The following ACADVL variants were observed in gnomAD, a reference collection of about 807,000 sequenced individuals.
The protein encoded by ACADVL is acyl-CoA dehydrogenase very long chain, also known as very long-chain acyl-CoA dehydrogenase, mitochondrial.
In ACADVL, 73 loss-of-function variants were observed where a neutral mutation model predicts 80.4. That is an observed-to-expected ratio of 0.91 (90% confidence interval 0.75 to 1.10). ACADVL has a LOEUF of 1.10. Ranked by LOEUF, ACADVL falls within the 50% of genes least tolerant of loss-of-function variation. ACADVL has a pLI of 0.00. For missense variants in ACADVL, 878 were observed against 858.9 expected (o/e 1.02, Z -0.28); for synonymous variants, 392 against 326.5 (o/e 1.20, Z -2.16).
At chr17:7,217,172 G>C, upstream of ACADVL, 11 of 1,284,836 alleles carry the variant, frequency 8.6e-6, no homozygotes, top group Non-Finnish European at 1.1e-5. Context: ...CCGCGGCGGC[G>C]GGTAAGGGGC....
Position 7,222,022 on chromosome 17 carries a change from T to C in ACADVL, c.693T>C (p.Ser231=), listed in dbSNP as rs77763289. The part of the protein sequence containing the change: ...SGSDAASIRT[S]AVPSPCGKYY... ...CAGATGCAGCCTCCATCCGAACCTC[T>C]GCTGTGCCCAGCCCCTGTGGAAAAT... is the stretch of plus-strand genomic sequence containing the variant. The change falls in exon 8 of 20, where the codon TCT becomes TCC. Residue 231 remains serine, a synonymous_variant. Transcript: ENST00000356839. The C allele has an allele frequency of 1.7e-5, 28 of 1,614,034 alleles. No individual in the cohort carries two copies. The highest frequency in any genetic ancestry group is 3.3e-5 in the Admixed American group (2 of 60,012).
In ACADVL at chr17:7,225,120, C is replaced by A. The variant is rs1334773689; in HGVS notation, c.*23C>A. The A allele has an allele frequency of 1.2e-6, 2 of 1,613,914 alleles. No individual in the cohort carries two copies. Among genetic ancestry groups the A allele is most frequent in the East Asian group, 4.5e-5 (2 of 44,882 alleles). On this transcript the variant is annotated 3_prime_UTR_variant, in exon 20 of 20. Transcript: ENST00000356839. ...TGAATACTCCCGGCCAGGGCCTGTC[C>A]CAGTTATGTGCCTTCCCTCAAGCCA...
At chr17:7,218,810 A>G, upstream of ACADVL, 2 of 1,613,536 alleles carry the variant, frequency 1.2e-6, no homozygotes, top group South Asian at 1.1e-5. Context: ...CCTCCCCTCC[A>G]CAAGGAGCCC....
At chr17:7,219,548 C>A (rs775169805), upstream of ACADVL, 18 of 1,102,098 alleles carry the variant, frequency 1.6e-5, no homozygotes, top group Non-Finnish European at 2.0e-5. Context: ...TCATCAGGAA[C>A]CCTAGAGTCT....
At chr17:7,218,942 C>T (rs754192871), upstream of ACADVL, 27 of 1,386,172 alleles carry the variant, frequency 1.9e-5, no homozygotes, top group Non-Finnish European at 2.4e-5. Flanking sequence ...TAAAGTAGGC[C>T]GTCTCTGAGC....
chr17:7,220,960 ATGG>A lies in ACADVL; in HGVS notation c.383_385del (p.Val128del). On this transcript the variant is annotated inframe_deletion, in exon 6 of 20. Coordinates refer to ENST00000356839, the MANE Select transcript of ACADVL (RefSeq NM_000018.4). ...TCCCGCCAAGAATGACGCTCTGGAG[ATGG>A]TGGAGGAGACCACTTGGCAGGGCCT... is the stretch of plus-strand genomic sequence containing the variant. The A allele has an allele frequency of 6.2e-7, 1 of 1,613,958 alleles. No homozygotes were observed. The highest frequency in any genetic ancestry group is 8.5e-7 in the Non-Finnish European group (1 of 1,179,992).
chr17:7,217,959 G>T (rs2071012126), upstream of ACADVL: 1 of 824,600 alleles, frequency 1.2e-6, no homozygotes, highest in Non-Finnish European at 1.9e-6. Context: ...CAATCCCTGG[G>T]GGCCTAGTTC....
At chr17:7,219,211 T>C, upstream of ACADVL, 1 of 337,698 alleles carries the variant, frequency 3.0e-6, no homozygotes, top group East Asian at 8.0e-5. Context: ...CTTCCTGCCC[T>C]AGGGCTAGAG....
At position 7,223,168 on chromosome 17, in the gene ACADVL, G is replaced by T. The variant is rs145701525; in HGVS notation, c.1113G>T (p.Glu371Asp). 1.9e-6 allele frequency: 3 copies of T among 1,614,030 alleles called. No homozygotes were observed. The African/African-American group carries it at 4.0e-5, about 22-fold the overall frequency. ...DHATNRTQFG[E>D]KIHNFGLIQE... ...CCACTAATCGTACCCAGTTTGGGGA[G>T]AAAATTCACAACTTTGGGCTGATCC... The change falls in exon 11 of 20, where the codon GAG becomes GAT. Residue 371 changes from glutamate (E) to aspartate (D), a missense_variant. Physicochemically the swap from Glu to Asp is conservative, Grantham distance 45. Coordinates refer to ENST00000356839, the MANE Select transcript of ACADVL (RefSeq NM_000018.4).
chr17:7,220,224 G>A, intron 2 of ACADVL, 27 bp downstream of exon 2: 2 of 1,525,628 alleles, frequency 1.3e-6, no homozygotes, highest in Non-Finnish European at 1.8e-6. Context: ...TTGGCAAGGG[G>A]GTGTGGGAGC....
intron 9 of ACADVL, 112 bp from the exon 10 acceptor site, chr17:7,222,552 CTAA>C (rs1385912963): frequency 8.0e-7 from 1 of 1,243,430 alleles, no homozygotes; most frequent in Non-Finnish European, 1.1e-6. Flanking sequence ...GCTGTAGCCT[CTAA>C]TAGTCTAGTG....
At chr17:7,217,266 A>C, upstream of ACADVL, 1 of 1,011,464 alleles carries the variant, frequency 9.9e-7, no homozygotes, top group Non-Finnish European at 1.2e-6. Context: ...AGGGGGGGCC[A>C]GGATGGGGGG....
At chr17:7,218,738 C>G, upstream of ACADVL, 1 of 1,575,512 alleles carries the variant, frequency 6.3e-7, no homozygotes, top group Non-Finnish European at 8.7e-7. Flanking sequence ...TTCACCCCAG[C>G]CCCTACGGAA....
rs2142988749 is a variant in ACADVL, at chr17:7,224,512, G to C, written c.1638G>C (p.Val546=). 1 of 1,613,506 alleles carries C rather than the reference G, an allele frequency of 6.2e-7. No individual in the cohort carries two copies. Among genetic ancestry groups the C allele is most frequent in the Non-Finnish European group, 8.5e-7 (1 of 1,180,006 alleles). ...GGGCTCTGGAGCAGTTTGCCACTGT[G>C]GTGGAGGCCAAGCTGATAAAACACA... The part of the protein sequence containing the change: ...AVRALEQFAT[V]VEAKLIKHKK... The change falls in exon 17 of 20, where the codon GTG becomes GTC. Residue 546 remains valine (V), a synonymous_variant. Transcript: ENST00000356839.
At chr17:7,219,899 C>G (rs2071098118), upstream of ACADVL, 4 of 1,552,974 alleles carry the variant, frequency 2.6e-6, no homozygotes, top group Admixed American at 2.0e-5. Flanking sequence ...GACGATGAGT[C>G]AGGGTTAGGG....
upstream of ACADVL, chr17:7,218,682 A>C: frequency 6.5e-7 from 1 of 1,544,512 alleles, no homozygotes; most frequent in Non-Finnish European, 8.8e-7. Flanking sequence ...AGATGCCAAC[A>C]CAGGAAGATG....
Position 7,222,841 on chromosome 17 carries a change from C to T in ACADVL, c.1053C>T (p.Thr351=). 1.9e-6 allele frequency: 3 copies of T among 1,612,814 alleles called. No individual in the cohort carries two copies. The highest frequency in any genetic ancestry group is 2.5e-6 in the Non-Finnish European group (3 of 1,180,002). The stretch of plus-strand genomic sequence containing the variant: ...GCATGGCTGCGGCCCTGGCAGGTAC[C>T]ATGAGAGGCATCATTGCTAAGGCGG... ...RFGMAAALAG[T]MRGIIAKAVD... Residue 351 remains threonine, a synonymous_variant, in exon 10 of 20, where the codon ACC becomes ACT. Coordinates refer to ENST00000356839, the MANE Select transcript of ACADVL (RefSeq NM_000018.4).
chr17:7,217,233 C>A, upstream of ACADVL: 1 of 1,257,828 alleles, frequency 8.0e-7, no homozygotes, highest in Non-Finnish European at 1.0e-6. Context: ...CTCACCCCTC[C>A]CCCCTCCGCA....
chr17:7,217,562 GGGGGGGTT>G, upstream of ACADVL: 1 of 904,448 alleles, frequency 1.1e-6, no homozygotes, highest in Non-Finnish European at 1.3e-6. Context: ...GGAGTGGGGT[GGGGGGGTT>G]GGAAACGGCA....
Sources: gnomAD v4.1 joint callset for allele counts on GRCh38, gnomAD v4.1.1 for gene constraint, MANE v1.5 for transcripts, NCBI Gene and HGNC (gene_info 2026-07-23, HGNC 2026-07-21) for gene names.